Variants in AKAP13 observed in about 807,000 individuals in gnomAD.
AKAP13 encodes the protein A-kinase anchoring protein 13, also known as A-kinase anchor protein 13.
AKAP13 carries 80 observed loss-of-function variants against 264.5 expected under a neutral mutation model. The ratio of observed to expected loss-of-function variants is 0.30; its 90% CI spans 0.25 to 0.36. AKAP13 has a LOEUF of 0.36. AKAP13 is among the 10% of genes least tolerant of loss of function. The pLI, the probability that AKAP13 is intolerant of heterozygous loss-of-function variation, is 1.00. For synonymous variants in AKAP13, 1,380 were observed against 1,250.2 expected, an observed-to-expected ratio of 1.10 and a Z score of -2.19; for missense variants, 3,712 against 3,435.2, an observed-to-expected ratio of 1.08 and a Z score of -2.01.
At chr15:85,434,242 C>T (rs1400554595) in intron 1 of AKAP13, among the ~76,000 whole-genome samples, 13 of 152,000 alleles carry the variant, frequency 8.6e-5, no homozygotes, top group Admixed American at 2.0e-4. Context: ...CACTCCCACC[C>T]GAATATTGCG....
chr15:85,673,671 T>C (rs1044652491), intron 14 of AKAP13, among the ~76,000 whole-genome samples: 13 of 88,574 alleles, frequency 1.5e-4, no homozygotes, highest in African/African-American at 5.5e-4. Flanking sequence ...TCTTTCTTTT[T>C]TTTTTTTTTT....
intron 6 of AKAP13, among the ~76,000 whole-genome samples, chr15:85,577,128 C>T (rs969747731): frequency 6.6e-6 from 1 of 152,196 alleles, no homozygotes; most frequent in Non-Finnish European, 1.5e-5. Flanking sequence ...TTTGCTTGTA[C>T]ACTCTACTAG....
chr15:85,741,398 T>G lies in AKAP13; in HGVS notation c.7961T>G (p.Leu2654Arg). The change falls in exon 35 of 37, where the codon CTG becomes CGG. Residue 2654 changes from leucine (L) to arginine (R), a missense_variant. Transcript: ENST00000394518. ...ACATACCAGTATGACCTGGAGCGAC[T>G]GCGTGCTGCCCAGAAACAGCTTGAG... ...KGTYQYDLER[L>R]RAAQKQLERE... The G allele has an allele frequency of 6.2e-7, 1 of 1,613,864 alleles. No homozygotes were observed. Among genetic ancestry groups the G allele is most frequent in the Non-Finnish European group, 8.5e-7 (1 of 1,179,864 alleles).
intron 1 of AKAP13, among the ~76,000 whole-genome samples, chr15:85,421,678 A>G (rs1203409459): frequency 6.6e-6 from 1 of 152,216 alleles, no homozygotes; most frequent in African/African-American, 2.4e-5. Flanking sequence ...TCATAATATA[A>G]TTGGAAGAAG....
At chr15:85,472,207 A>AC (rs1002818089) in intron 1 of AKAP13, among the ~76,000 whole-genome samples, 61 of 141,010 alleles carry the variant, frequency 4.3e-4, no homozygotes, top group Admixed American at 2.3e-4. Flanking sequence ...TTAAAAAAAA[A>AC]ACAAAAAACA....
At chr15:85,688,982 G>A (rs2085104205) in intron 16 of AKAP13, among the ~76,000 whole-genome samples, 1 of 152,192 alleles carries the variant, frequency 6.6e-6, no homozygotes, top group Admixed American at 6.5e-5. Flanking sequence ...CACAAAGGGA[G>A]TGTGGAATGA....
At chr15:85,693,101 G>A (rs185568014) in intron 16 of AKAP13, 176 bp from the exon 17 acceptor site, 176 of 1,135,416 alleles carry the variant, frequency 1.6e-4, no homozygotes, top group African/African-American at 2.7e-4. Flanking sequence ...TGTAGCTTGC[G>A]TGCCAACGCC....
At chr15:85,381,521 C>CTTTTTTTTTT (rs1168869870) in intron 1 of AKAP13, among the ~76,000 whole-genome samples, 9 of 64,290 alleles carry the variant, frequency 1.4e-4, no homozygotes, top group East Asian at 5.4e-4. Context: ...CGGTTTACTG[C>CTTTTTTTTTT]TTTTTTTTTT....
chr15:85,731,285 C>T (rs1166124534), intron 30 of AKAP13, among the ~76,000 whole-genome samples: 4 of 152,246 alleles, frequency 2.6e-5, no homozygotes, highest in Admixed American at 2.0e-4. Context: ...ATATTATAGG[C>T]GTGAGCCACT....
At chr15:85,680,391 C>G (rs762704605) in intron 14 of AKAP13, among the ~76,000 whole-genome samples, 1 of 152,030 alleles carries the variant, frequency 6.6e-6, no homozygotes, top group Non-Finnish European at 1.5e-5. Context: ...GGGGATGGAT[C>G]CCAGATATTC....
intron 16 of AKAP13, among the ~76,000 whole-genome samples, chr15:85,687,337 C>T (rs1050267693): frequency 6.6e-6 from 1 of 152,064 alleles, no homozygotes; most frequent in African/African-American, 2.4e-5. Flanking sequence ...CTTTTTTAAT[C>T]TGAAAGGACT....
At chr15:85,549,430 T>G (rs1336950838) in intron 5 of AKAP13, among the ~76,000 whole-genome samples, 1 of 152,262 alleles carries the variant, frequency 6.6e-6, no homozygotes, top group Non-Finnish European at 1.5e-5. Context: ...CTCATAAATG[T>G]CATCTTATTT....
intron 1 of AKAP13, among the ~76,000 whole-genome samples, chr15:85,474,895 T>C (rs887822406): frequency 2.0e-5 from 3 of 152,206 alleles, no homozygotes; most frequent in African/African-American, 7.2e-5. Flanking sequence ...CCTCTGACAC[T>C]TGTGTGACTC....
intron 17 of AKAP13, among the ~76,000 whole-genome samples, chr15:85,706,452 A>T (rs2086265995): frequency 6.6e-6 from 1 of 152,194 alleles, no homozygotes; most frequent in Non-Finnish European, 1.5e-5. Flanking sequence ...CCTGGGGGAA[A>T]ATGTGATTCC....
intron 21 of AKAP13, among the ~76,000 whole-genome samples, chr15:85,717,751 C>T (rs2087036565): frequency 6.6e-6 from 1 of 152,196 alleles, no homozygotes; most frequent in Non-Finnish European, 1.5e-5. Flanking sequence ...TTCTTAACTT[C>T]GTGTAGATAG....
intron 26 of AKAP13, among the ~76,000 whole-genome samples, chr15:85,723,665 T>C (rs1427499388): frequency 6.6e-6 from 1 of 152,140 alleles, no homozygotes; most frequent in Non-Finnish European, 1.5e-5. Flanking sequence ...CAGGTTGGAA[T>C]TGGGATCTGT....
intron 30 of AKAP13, among the ~76,000 whole-genome samples, chr15:85,734,334 A>T (rs889947724): frequency 2.0e-5 from 3 of 152,210 alleles, no homozygotes; most frequent in Non-Finnish European, 4.4e-5. Flanking sequence ...TTACAGGTTC[A>T]GATAGCTTTT....
intron 3 of AKAP13, among the ~76,000 whole-genome samples, chr15:85,526,778 A>G (rs997045371): frequency 2.0e-5 from 3 of 152,132 alleles, no homozygotes; most frequent in African/African-American, 7.2e-5. Flanking sequence ...TTTTTCTAAC[A>G]GTCTCCCTAT....
At chr15:85,684,622 C>T (rs930610749) in intron 15 of AKAP13, 119 bp from the exon 16 acceptor site, 94 of 1,021,488 alleles carry the variant, frequency 9.2e-5, no homozygotes, top group East Asian at 4.2e-4. Context: ...AGAACCTGGG[C>T]GTTGTGGCAT....
Sources: allele counts gnomAD v4.1 joint callset (sites outside exome capture counted in the v4.1 genomes callset), GRCh38; gene constraint gnomAD v4.1.1; transcripts MANE v1.5; gene names NCBI Gene and HGNC (gene_info 2026-07-23, HGNC 2026-07-21).